DCAF8L2: variants seen among roughly 807,000 people sequenced by gnomAD.
DCAF8L2 encodes the protein DDB1 and CUL4 associated factor 8 like 2, also known as DDB1- and CUL4-associated factor 8-like protein 2.
For synonymous variants in DCAF8L2, 200 were observed against 190.9 expected (o/e 1.05, Z -0.39); for missense variants, 430 against 490.7 (o/e 0.88, Z 1.17).
chrX:27,563,299 A>G, the DCAF8L2 span, among the ~76,000 whole-genome samples: 1 of 111,120 alleles, frequency 9.0e-6, no homozygotes, highest in Non-Finnish European at 1.9e-5. Flanking sequence ...ATTGTTTAAC[A>G]TTTTTCTTAA....
chrX:27,619,120 C>A (rs1159094998), intron 1 of DCAF8L2, among the ~76,000 whole-genome samples: 1 of 110,286 alleles, frequency 9.1e-6, no homozygotes, highest in Admixed American at 9.8e-5. Context: ...ATTTGGAAAA[C>A]TAGCTCTATG....
At chrX:27,698,258 C>T (rs1048273179) in intron 3 of DCAF8L2, among the ~76,000 whole-genome samples, 3 of 111,171 alleles carry the variant, frequency 2.7e-5, no homozygotes, top group Non-Finnish European at 5.7e-5. Context: ...ATTTGGAAGG[C>T]ACTATTGTTT....
intron 3 of DCAF8L2, among the ~76,000 whole-genome samples, chrX:27,685,535 G>A (rs752338332): frequency 8.1e-5 from 9 of 111,530 alleles, no homozygotes; most frequent in Admixed American, 1.9e-4. Context: ...GTAGTCAGAG[G>A]AATAAAACTA....
intron 4 of DCAF8L2, among the ~76,000 whole-genome samples, chrX:27,743,698 ATTATTTATTTAT>A (rs750649421): frequency 0.014 from 1,176 of 86,762 alleles, 26 homozygotes; most frequent in African/African-American, 0.047. Context: ...CCTGGCTTTT[ATTATTTATTTAT>A]TTATTTATTT....
chrX:27,489,349 G>T, the DCAF8L2 span, among the ~76,000 whole-genome samples: 1 of 112,028 alleles, frequency 8.9e-6, no homozygotes, highest in African/African-American at 3.2e-5. Flanking sequence ...TGCCCGCCTC[G>T]GCCTCCCAAA....
At chrX:27,506,631 A>G in the DCAF8L2 span, among the ~76,000 whole-genome samples, 3 of 110,484 alleles carry the variant, frequency 2.7e-5, no homozygotes, top group Non-Finnish European at 5.7e-5. Flanking sequence ...GTCTTCTCTC[A>G]TGTATCTGTC....
intron 3 of DCAF8L2, among the ~76,000 whole-genome samples, chrX:27,697,064 T>G (rs2147262392): frequency 9.0e-6 from 1 of 111,549 alleles, no homozygotes; most frequent in African/African-American, 3.3e-5. Context: ...TATACAATAT[T>G]CTTTTAACCT....
chrX:27,628,811 G>A (rs1220967844), intron 1 of DCAF8L2, among the ~76,000 whole-genome samples: 2 of 110,228 alleles, frequency 1.8e-5, no homozygotes, highest in African/African-American at 6.6e-5. Flanking sequence ...CACCATGTTA[G>A]CCAGGACGGT....
intron 1 of DCAF8L2, among the ~76,000 whole-genome samples, chrX:27,619,317 C>T (rs1927636838): frequency 9.0e-6 from 1 of 110,727 alleles, no homozygotes; most frequent in Non-Finnish European, 1.9e-5. Flanking sequence ...CCAATAGAAA[C>T]CGTTTCTCTA....
At chrX:27,612,199 A>G (rs750960468) in intron 1 of DCAF8L2, among the ~76,000 whole-genome samples, 12 of 111,931 alleles carry the variant, frequency 1.1e-4, no homozygotes, top group African/African-American at 3.9e-4. Context: ...ACCAGGGATG[A>G]TGAGCATGTT....
At chrX:27,578,798 A>G in the DCAF8L2 span, among the ~76,000 whole-genome samples, 1 of 111,407 alleles carries the variant, frequency 9.0e-6, no homozygotes, top group East Asian at 2.8e-4. Context: ...AAACGTATGA[A>G]AAAAAGCTCA....
chrX:27,660,083 C>A (rs1215868548), intron 2 of DCAF8L2, among the ~76,000 whole-genome samples: 1 of 111,628 alleles, frequency 9.0e-6, no homozygotes, highest in Non-Finnish European at 1.9e-5. Context: ...AGTGCAACGG[C>A]GCGATCTCAG....
rs1165115244 is a variant in DCAF8L2, at chrX:27,749,745, A to T, written c.*954A>T. On this transcript the variant is annotated 3_prime_UTR_variant, in exon 5 of 5. Transcript: ENST00000451261. The stretch of plus-strand genomic sequence containing the variant: ...TAATTAACTTTTAAGAACAAGTTGC[A>T]ATAAAGATTGTTTATACTTACACAT... 8.9e-6 allele frequency among the ~76,000 whole-genome samples: 1 copy of T among 112,328 alleles called. No individual in the cohort carries two copies. The highest frequency in any genetic ancestry group is 2.8e-4 in the East Asian group (1 of 3,588).
chrX:27,619,974 T>C (rs1413453257), intron 1 of DCAF8L2, among the ~76,000 whole-genome samples: 1 of 111,922 alleles, frequency 8.9e-6, no homozygotes, highest in Admixed American at 9.5e-5. Flanking sequence ...AATAAACTTA[T>C]GGAAAAATTG....
rs778101368 is a variant in DCAF8L2, at chrX:27,748,653, C to G, written c.1758C>G (p.His586Gln). The change falls in exon 5 of 5, where the codon CAC (histidine) becomes CAG (glutamine). Residue 586 changes from histidine (H) to glutamine (Q), a missense_variant. By Grantham distance (24) the His-to-Gln change is conservative. Transcript: ENST00000451261. ...ACATGCTTTGGTTCCTCCTGCGTCA[C>G]GTGACGCAGAGAGGTCGTCACCAGG... ...DQYMLWFLLR[H>Q]VTQRGRHQDW... 8.4e-7 allele frequency: 1 copy of G among 1,196,177 alleles called. No homozygotes were observed. The highest frequency in any genetic ancestry group is 1.8e-5 in the African/African-American group (1 of 56,867).
At chrX:27,682,749 T>C (rs1455098129) in intron 3 of DCAF8L2, among the ~76,000 whole-genome samples, 1 of 109,073 alleles carries the variant, frequency 9.2e-6, no homozygotes, top group Non-Finnish European at 1.9e-5. Flanking sequence ...CTAGAGTCCT[T>C]TATTTAAAGG....
At chrX:27,614,123 T>A (rs1021894893) in intron 1 of DCAF8L2, among the ~76,000 whole-genome samples, 2 of 111,547 alleles carry the variant, frequency 1.8e-5, no homozygotes, top group Admixed American at 1.9e-4. Context: ...ATTGCCTCAA[T>A]TTCAGAGCCT....
At chrX:27,584,503 A>AT in the DCAF8L2 span, among the ~76,000 whole-genome samples, 7 of 23,004 alleles carry the variant, frequency 3.0e-4, no homozygotes, top group East Asian at 0.012. Context: ...ATAATCCCAT[A>AT]TTTAAAAAAA....
chrX:27,509,050 A>G, the DCAF8L2 span, among the ~76,000 whole-genome samples: 380 of 111,441 alleles, frequency 3.4e-3, 1 homozygote, highest in Non-Finnish European at 5.8e-3. Flanking sequence ...ACAACCTACT[A>G]TTATATCAGG....
Sources: allele counts gnomAD v4.1 joint callset (sites outside exome capture counted in the v4.1 genomes callset), GRCh38; gene constraint gnomAD v4.1.1; transcripts MANE v1.5; gene names NCBI Gene and HGNC (gene_info 2026-07-23, HGNC 2026-07-21).